Variants in SETBP1 observed in about 807,000 individuals in gnomAD.
SETBP1 encodes SET binding protein 1.
Under a neutral mutation model 101.0 loss-of-function variants are expected in SETBP1, and 9 were observed. The observed-to-expected ratio is 0.09, with a 90% confidence interval of 0.05 to 0.16. SETBP1 has a LOEUF of 0.16. Among genes scored for constraint, SETBP1 ranks in the 10% least tolerant of loss-of-function variants. SETBP1 has a pLI of 1.00. For synonymous variants in SETBP1, 818 were observed against 788.5 expected, an observed-to-expected ratio of 1.04 and a Z score of -0.63; for missense variants, 1,858 against 2,033.8, an observed-to-expected ratio of 0.91 and a Z score of 1.66.
At chr18:44,998,049 G>C (rs944375540) in intron 4 of SETBP1, among the ~76,000 whole-genome samples, 1 of 152,234 alleles carries the variant, frequency 6.6e-6, no homozygotes, top group African/African-American at 2.4e-5. Context: ...AAAAGGCAGT[G>C]AGAGGCCGTT....
chr18:44,761,095 CTTTA>C (rs1192120599), intron 2 of SETBP1, among the ~76,000 whole-genome samples: 1 of 151,994 alleles, frequency 6.6e-6, no homozygotes, highest in Non-Finnish European at 1.5e-5. Context: ...AGCCGTGCTA[CTTTA>C]TTTATTTTTA....
chr18:44,748,771 G>A (rs116693386), intron 2 of SETBP1, among the ~76,000 whole-genome samples: 1,694 of 152,296 alleles, frequency 0.011, 27 homozygotes, highest in African/African-American at 0.038. Context: ...TCAGATAAGC[G>A]GCTTTTGGCA....
At chr18:45,037,032 G>A (rs570826752) in intron 4 of SETBP1, among the ~76,000 whole-genome samples, 53 of 152,288 alleles carry the variant, frequency 3.5e-4, no homozygotes, top group Admixed American at 1.0e-3. Flanking sequence ...GCTTCACAGC[G>A]TTGCCACGAG....
At chr18:44,782,154 G>A (rs1265316081) in intron 2 of SETBP1, among the ~76,000 whole-genome samples, 1 of 152,108 alleles carries the variant, frequency 6.6e-6, no homozygotes, top group Non-Finnish European at 1.5e-5. Context: ...GCAGGACATG[G>A]GTAGAAAGAA....
chr18:44,795,313 T>C (rs1217804894), intron 2 of SETBP1, among the ~76,000 whole-genome samples: 1 of 152,224 alleles, frequency 6.6e-6, no homozygotes, highest in Non-Finnish European at 1.5e-5. Context: ...ATCCTCATAG[T>C]GTCAGGAACC....
chr18:44,963,398 C>A (rs147097750), intron 4 of SETBP1, among the ~76,000 whole-genome samples: 2 of 152,128 alleles, frequency 1.3e-5, no homozygotes, highest in Non-Finnish European at 2.9e-5. Flanking sequence ...GCCTTTAGCT[C>A]ACCTGGGGAA....
chr18:44,979,858 CTTCA>C (rs1439640854), intron 4 of SETBP1, among the ~76,000 whole-genome samples: 1 of 152,196 alleles, frequency 6.6e-6, no homozygotes, highest in Middle Eastern at 3.2e-3. Context: ...TGTCTTGGTT[CTTCA>C]TTCATGTTCC....
intron 2 of SETBP1, among the ~76,000 whole-genome samples, chr18:44,721,349 G>A (rs1030949797): frequency 6.6e-6 from 1 of 152,200 alleles, no homozygotes; most frequent in Non-Finnish European, 1.5e-5. Context: ...GGAATGCACA[G>A]AGGAAAGACT....
chr18:44,779,605 G>GA (rs2144674203), intron 2 of SETBP1, among the ~76,000 whole-genome samples: 1 of 152,192 alleles, frequency 6.6e-6, no homozygotes, highest in East Asian at 1.9e-4. Flanking sequence ...GAGCGAGAGG[G>GA]AAAAAGAGAG....
chr18:44,779,950 GCACACACGCATGCACA>G (rs1568139755), intron 2 of SETBP1, among the ~76,000 whole-genome samples: 1 of 150,432 alleles, frequency 6.6e-6, no homozygotes, highest in Non-Finnish European at 1.5e-5. Context: ...ACACACGCAC[GCACACACGCATGCACA>G]CACACACGCA....
chr18:44,774,363 G>T (rs2070945527), intron 2 of SETBP1, among the ~76,000 whole-genome samples: 2 of 151,918 alleles, frequency 1.3e-5, no homozygotes, highest in African/African-American at 4.8e-5. Flanking sequence ...GTTTGAGTGT[G>T]TATGTGTGTG....
chr18:45,022,995 T>TAAATAACTTAC (rs1328665234), intron 4 of SETBP1, among the ~76,000 whole-genome samples: 2 of 152,186 alleles, frequency 1.3e-5, no homozygotes, highest in African/African-American at 2.4e-5. Flanking sequence ...ACAGAGAGAT[T>TAAATAACTTAC]AAATAACTTA....
chr18:44,906,878 A>C (rs947223452), intron 3 of SETBP1, among the ~76,000 whole-genome samples: 1 of 152,228 alleles, frequency 6.6e-6, no homozygotes, highest in African/African-American at 2.4e-5. Context: ...GTATGACTAC[A>C]TGCCATAATA....
chr18:45,029,377 G>C (rs889175491), intron 4 of SETBP1, among the ~76,000 whole-genome samples: 1 of 151,958 alleles, frequency 6.6e-6, no homozygotes, highest in African/African-American at 2.4e-5. Flanking sequence ...CTATATCTCT[G>C]TTTTGGTACC....
At chr18:45,044,833 G>T (rs1283252142) in intron 5 of SETBP1, among the ~76,000 whole-genome samples, 1 of 152,208 alleles carries the variant, frequency 6.6e-6, no homozygotes, top group Non-Finnish European at 1.5e-5. Flanking sequence ...AGACAACGGG[G>T]CATTATGAGA....
At chr18:44,724,507 C>G (rs2069666043) in intron 2 of SETBP1, among the ~76,000 whole-genome samples, 1 of 152,136 alleles carries the variant, frequency 6.6e-6, no homozygotes. Flanking sequence ...TGTCTCTCAT[C>G]CACTGTGATA....
intron 3 of SETBP1, among the ~76,000 whole-genome samples, chr18:44,877,605 C>T (rs555116709): frequency 6.6e-6 from 1 of 152,290 alleles, no homozygotes; most frequent in South Asian, 2.1e-4. Flanking sequence ...AGACGTGTGA[C>T]AATAACAGGG....
At chr18:45,063,056 T>G (rs1352570917) in intron 5 of SETBP1, 23 bp from the exon 6 acceptor site, 2 of 1,613,408 alleles carry the variant, frequency 1.2e-6, no homozygotes, top group East Asian at 2.2e-5. Context: ...GTGCTCAATT[T>G]CTTATCTCTT....
At chr18:44,907,826 C>T (rs1034689776) in intron 3 of SETBP1, among the ~76,000 whole-genome samples, 1 of 152,110 alleles carries the variant, frequency 6.6e-6, no homozygotes. Flanking sequence ...CAGTGACCTT[C>T]GAAGCATAAC....
Sources: allele counts gnomAD v4.1 joint callset (sites outside exome capture counted in the v4.1 genomes callset), GRCh38; gene constraint gnomAD v4.1.1; transcripts MANE v1.5; gene names NCBI Gene and HGNC (gene_info 2026-07-23, HGNC 2026-07-21).